The following MYH11 variants were observed in gnomAD, a reference collection of about 807,000 sequenced individuals.
MYH11 encodes the protein myosin heavy chain 11.
A neutral mutation model predicts 246.6 loss-of-function variants in MYH11; 80 were observed. That is an observed-to-expected ratio of 0.32 (90% CI 0.27 to 0.39). The LOEUF (loss-of-function observed/expected upper bound fraction) is 0.39. MYH11 is among the 10% of genes least tolerant of loss of function. The pLI is 1.00. For missense variants in MYH11, 2,158 were observed against 2,546.8 expected, an observed-to-expected ratio of 0.85 and a Z score of 3.29; for synonymous variants, 1,071 against 1,015.5, an observed-to-expected ratio of 1.05 and a Z score of -1.04.
rs2151274957 is a variant in MYH11, at chr16:15,757,946, G to A, written c.1456C>T (p.Leu486Phe). Reference protein sequence around the residue: ...INYTNEKLQQLFNHTMFILEQ... With the variant: ...INYTNEKLQQFFNHTMFILEQ... ...AGGATGAACATGGTGTGGTTGAAGA[G>A]CTGCTGCAGCTTCTCGTTGGTGTAG... Residue 486 changes from leucine to phenylalanine, a missense_variant, in exon 13 of 41, where the codon CTC becomes TTC. Around this residue, in one of 11 missense-constraint regions of MYH11, gnomAD observed 317 missense variants for 507.7 expected, o/e 0.62. Transcript: ENST00000300036. 3.1e-6 allele frequency: 5 copies of A among 1,614,226 alleles called. No homozygotes were observed. Among genetic ancestry groups the A allele is most frequent in the Non-Finnish European group, 4.2e-6 (5 of 1,180,040 alleles).
At chr16:15,794,203 C>G (rs2042689468) in intron 4 of MYH11, among the ~76,000 whole-genome samples, 1 of 152,164 alleles carries the variant, frequency 6.6e-6, no homozygotes, top group South Asian at 2.1e-4. Context: ...GCCTCGGCCT[C>G]CCAAAGTGCT....
At chr16:15,761,479 T>C (rs1042571439) in intron 10 of MYH11, among the ~76,000 whole-genome samples, 1 of 152,216 alleles carries the variant, frequency 6.6e-6, no homozygotes, top group African/African-American at 2.4e-5. Flanking sequence ...GAACAGTTAC[T>C]GTTCAATAAA....
At chr16:15,852,793 TC>T (rs1029401622) in intron 1 of MYH11, among the ~76,000 whole-genome samples, 1 of 152,122 alleles carries the variant, frequency 6.6e-6, no homozygotes, top group African/African-American at 2.4e-5. Flanking sequence ...TATCTATTAT[TC>T]CCATTTTCCT....
At chr16:15,816,084 C>T (rs985445238) in intron 3 of MYH11, among the ~76,000 whole-genome samples, 6 of 152,186 alleles carry the variant, frequency 3.9e-5, no homozygotes, top group Non-Finnish European at 1.5e-5. Flanking sequence ...AGATCACGTA[C>T]ATTCTTTCTT....
At chr16:15,718,492 T>C in intron 36 of MYH11, 54 bp from the exon 37 acceptor site, 1 of 1,535,290 alleles carries the variant, frequency 6.5e-7, no homozygotes, top group Non-Finnish European at 8.7e-7. Flanking sequence ...CCTTAAAAGA[T>C]GCCCCCTCCT....
intron 14 of MYH11, 142 bp downstream of exon 14, chr16:15,756,199 G>T: frequency 1.1e-6 from 1 of 891,012 alleles, no homozygotes; most frequent in Non-Finnish European, 1.8e-6. Flanking sequence ...TTACGAATAG[G>T]ACTTGGTTGG....
intron 3 of MYH11, among the ~76,000 whole-genome samples, chr16:15,810,349 T>A (rs1375143424): frequency 6.6e-6 from 1 of 152,080 alleles, no homozygotes; most frequent in Non-Finnish European, 1.5e-5. Flanking sequence ...TTTACTATTT[T>A]ATAACAAATA....
chr16:15,720,101 G>C, intron 34 of MYH11, 50 bp downstream of exon 34: 2 of 1,613,116 alleles, frequency 1.2e-6, no homozygotes. Context: ...TGGCCTGAGG[G>C]GAACTGTGCC....
intron 3 of MYH11, among the ~76,000 whole-genome samples, chr16:15,810,227 G>A (rs2151336436): frequency 6.6e-6 from 1 of 151,710 alleles, no homozygotes; most frequent in South Asian, 2.1e-4. Context: ...TAGAGATGGG[G>A]TTTCACTACA....
At chr16:15,816,793 C>CAAAA (rs67390477) in intron 3 of MYH11, among the ~76,000 whole-genome samples, 63 of 138,526 alleles carry the variant, frequency 4.5e-4, no homozygotes, top group African/African-American at 1.4e-3. Context: ...TGGTAAATAC[C>CAAAA]AAAAAAAAAA....
At chr16:15,707,997 C>A (rs1165717909) in intron 40 of MYH11, among the ~76,000 whole-genome samples, 4 of 150,088 alleles carry the variant, frequency 2.7e-5, no homozygotes, top group Non-Finnish European at 5.9e-5. Context: ...CCCAGAGCAG[C>A]AGAGACCTCT....
At chr16:15,775,380 T>C (rs1319117980) in intron 8 of MYH11, among the ~76,000 whole-genome samples, 1 of 152,014 alleles carries the variant, frequency 6.6e-6, no homozygotes, top group Non-Finnish European at 1.5e-5. Flanking sequence ...ATGTGCTGCC[T>C]GTGCTCATTG....
chr16:15,805,458 A>T (rs1037467009), intron 3 of MYH11, among the ~76,000 whole-genome samples: 1 of 152,272 alleles, frequency 6.6e-6, no homozygotes, highest in African/African-American at 2.4e-5. Context: ...ATGATATGGC[A>T]TTCAGAGTTT....
intron 27 of MYH11, among the ~76,000 whole-genome samples, chr16:15,727,420 C>T (rs1190668012): frequency 6.6e-6 from 1 of 152,018 alleles, no homozygotes; most frequent in Non-Finnish European, 1.5e-5. Flanking sequence ...AGGCTGCTCT[C>T]GAACTCCTGA....
intron 23 of MYH11, 79 bp from the exon 24 acceptor site, chr16:15,738,767 A>G: frequency 6.6e-7 from 1 of 1,524,810 alleles, no homozygotes; most frequent in Middle Eastern, 1.8e-4. Context: ...AGTGATTTCC[A>G]TGTAAACAGT....
At chr16:15,818,902 C>T (rs1156670640) in intron 3 of MYH11, among the ~76,000 whole-genome samples, 1 of 152,132 alleles carries the variant, frequency 6.6e-6, no homozygotes, top group African/African-American at 2.4e-5. Flanking sequence ...TCTTTCGTGA[C>T]AGGGTCTTAC....
At chr16:15,742,056 G>T in intron 20 of MYH11, 165 bp from the exon 21 acceptor site, 5 of 1,113,580 alleles carry the variant, frequency 4.5e-6, no homozygotes, top group East Asian at 2.6e-5. Context: ...GGGGTGGGGG[G>T]TGCCTCTGGC....
rs749181134 is a variant in MYH11, at chr16:15,721,604, T to G, written c.4396A>C (p.Lys1466Gln). The G allele has an allele frequency of 3.7e-6, 6 of 1,614,186 alleles. No homozygotes were observed. The highest frequency in any genetic ancestry group is 5.1e-6 in the Non-Finnish European group (6 of 1,180,036). The change falls in exon 32 of 41, where the codon AAA (lysine) becomes CAA (glutamine). Residue 1466 changes from lysine (K) to glutamine (Q), a missense_variant. Physicochemically the swap from Lys to Gln is moderately conservative, Grantham distance 53. This residue lies in a region of MYH11 where 1,013 missense variants were observed against 993.5 expected (regional missense o/e 1.02). Transcript: ENST00000300036. The part of the protein sequence containing the change: ...LLAEEKNISS[K>Q]YADERDRAEA... ...GCTCTGTCCCTCTCATCCGCGTATT[T>G]GGAAGAGATGTTTTTCTCCTCGGCT...
intron 10 of MYH11, 107 bp downstream of exon 10, chr16:15,763,689 T>TA (rs1209251392): frequency 1.5e-5 from 15 of 978,588 alleles, no homozygotes; most frequent in Non-Finnish European, 2.1e-5. Flanking sequence ...CAACTGTTGT[T>TA]AAAATCCCAG....
Sources: gnomAD v4.1 joint callset for allele counts (sites outside exome capture counted in the v4.1 genomes callset) on GRCh38, gnomAD v4.1.1 for gene constraint, gnomAD v4.1.1 regional missense constraint, MANE v1.5 for transcripts, NCBI Gene and HGNC (gene_info 2026-07-23, HGNC 2026-07-21) for gene names.